CRYBG1: variants seen among roughly 807,000 people sequenced by gnomAD.
The protein encoded by CRYBG1 is beta/gamma crystallin domain-containing protein 1.
In CRYBG1, 139 loss-of-function variants were observed where a neutral mutation model predicts 189.2. The ratio of observed to expected loss-of-function variants is 0.73; its 90% CI spans 0.64 to 0.85. CRYBG1 has a LOEUF of 0.85. CRYBG1 is among the 40% of genes least tolerant of loss of function. CRYBG1 has a pLI of 0.00. For synonymous variants in CRYBG1, 1,023 were observed against 1,017.1 expected (o/e 1.01, Z -0.11); for missense variants, 2,611 against 2,675.8 (o/e 0.98, Z 0.53).
chr6:106,460,287 A>G (rs987256072), intron 2 of CRYBG1, among the ~76,000 whole-genome samples: 7 of 152,042 alleles, frequency 4.6e-5, no homozygotes, highest in African/African-American at 1.2e-4. Context: ...CACCGCGCCC[A>G]GCCAGTCTGA....
At chr6:106,488,036 A>T (rs1024435657) in intron 2 of CRYBG1, among the ~76,000 whole-genome samples, 2 of 151,962 alleles carry the variant, frequency 1.3e-5, no homozygotes, top group African/African-American at 2.4e-5. Context: ...GGGTGAGTAG[A>T]CTCAGTAGTG....
rs1347885031 is a variant in CRYBG1, at chr6:106,483,378, G to GTGTGTGTGTATA, written c.313-28051_313-28050insGTGTGTGTATAT. On this transcript the variant is annotated intron_variant, in intron 2 of 21. Coordinates refer to ENST00000633556, the MANE Select transcript of CRYBG1 (RefSeq NM_001371242.2). ...CCATTGTGTGTGTGTGTGTGTGTGT[G>GTGTGTGTGTATA]TATATATATATAGATATATATATAA... is the stretch of plus-strand genomic sequence containing the variant. Among the ~76,000 whole-genome samples the GTGTGTGTGTATA allele has an allele frequency of 6.7e-3, 758 of 113,568 alleles. 10 individuals are homozygous for GTGTGTGTGTATA. Among genetic ancestry groups the GTGTGTGTGTATA allele is most frequent in the African/African-American group, 0.02 (739 of 36,992 alleles). The allele number at this position is 113,568 out of a possible 152,430, so 74.5% of individuals were successfully genotyped here. A position where few individuals can be genotyped will look rare whatever the true frequency, so the allele number is the denominator to read the frequency against.
At chr6:106,412,935 A>G (rs1433256890) in intron 1 of CRYBG1, among the ~76,000 whole-genome samples, 2 of 145,806 alleles carry the variant, frequency 1.4e-5, no homozygotes, top group Non-Finnish European at 3.0e-5. Context: ...AATCCAAGAC[A>G]AATTCTTTAA....
intron 18 of CRYBG1, among the ~76,000 whole-genome samples, chr6:106,559,798 A>T (rs1036798627): frequency 5.5e-5 from 8 of 144,618 alleles, no homozygotes; most frequent in South Asian, 2.1e-4. Flanking sequence ...AAAAGAAAAT[A>T]AAAAAAATCA....
In CRYBG1 at chr6:106,414,626, A is replaced by G. The variant is rs140260829; in HGVS notation, c.174-37068A>G. Among the ~76,000 whole-genome samples the G allele has an allele frequency of 5.0e-3, 760 of 152,336 alleles. 8 individuals carry two copies. The highest frequency in any genetic ancestry group is 0.018 in the African/African-American group (728 of 41,578). ...TTGGTGTATATTTTTGGCTTTACCA[A>G]TGATGCAAACTTTAGTATTCAAAAC... On this transcript the variant is annotated intron_variant, in intron 1 of 21. Coordinates refer to ENST00000633556, the MANE Select transcript of CRYBG1 (RefSeq NM_001371242.2).
In CRYBG1 at chr6:106,517,327, T is replaced by TATATAC. The variant is rs1179339267; in HGVS notation, c.1923-1803_1923-1802insTATACA. 7.2e-4 allele frequency among the ~76,000 whole-genome samples: 84 copies of TATATAC among 117,074 alleles called. 1 individual carries two copies. The highest frequency in any genetic ancestry group is 1.8e-3 in the African/African-American group (55 of 30,818). 76.8% of individuals were successfully genotyped at this position (117,074 alleles called of 152,430 possible). On this transcript the variant is annotated intron_variant, in intron 3 of 21. Transcript: ENST00000633556. ...ATACACACACACACACATATATATA[T>TATATAC]ACACATATATATATACACACACATA...
chr6:106,401,658 T>C (rs1324008882), intron 1 of CRYBG1, among the ~76,000 whole-genome samples: 2 of 117,054 alleles, frequency 1.7e-5, no homozygotes, highest in East Asian at 4.9e-4. Context: ...TATGCGGTGT[T>C]TGGTTTTTTG....
chr6:106,458,165 A>C (rs1440622405), intron 2 of CRYBG1, among the ~76,000 whole-genome samples: 1 of 152,250 alleles, frequency 6.6e-6, no homozygotes, highest in Non-Finnish European at 1.5e-5. Flanking sequence ...AGTTAAATTG[A>C]AATGGTTTAG....
chr6:106,445,737 G>A (rs999027986), intron 1 of CRYBG1, among the ~76,000 whole-genome samples: 1 of 152,150 alleles, frequency 6.6e-6, no homozygotes, highest in Non-Finnish European at 1.5e-5. Context: ...ATAGCTAATG[G>A]CCAGGCTGGT....
intron 2 of CRYBG1, among the ~76,000 whole-genome samples, chr6:106,470,977 G>C (rs1772222584): frequency 6.6e-6 from 1 of 152,176 alleles, no homozygotes; most frequent in Non-Finnish European, 1.5e-5. Context: ...TTGCACTGTG[G>C]AGTCAATACA....
intron 1 of CRYBG1, among the ~76,000 whole-genome samples, chr6:106,406,584 A>G (rs1582745271): frequency 6.6e-6 from 1 of 152,320 alleles, no homozygotes; most frequent in South Asian, 2.1e-4. Flanking sequence ...ACACATAATC[A>G]TCAGATTCAC....
chr6:106,410,335 C>T (rs1022970546), intron 1 of CRYBG1, among the ~76,000 whole-genome samples: 5 of 152,120 alleles, frequency 3.3e-5, no homozygotes, highest in Admixed American at 3.3e-4. Context: ...TACCATCTCA[C>T]GCCAGTTAGA....
At chr6:106,464,357 T>G (rs1238840295) in intron 2 of CRYBG1, among the ~76,000 whole-genome samples, 1 of 151,928 alleles carries the variant, frequency 6.6e-6, no homozygotes, top group Non-Finnish European at 1.5e-5. Context: ...GCCGGGCATG[T>G]TGGTGCGCGC....
intron 1 of CRYBG1, among the ~76,000 whole-genome samples, chr6:106,445,475 T>C (rs1250541433): frequency 1.3e-5 from 2 of 152,216 alleles, no homozygotes; most frequent in Admixed American, 1.3e-4. Flanking sequence ...TCTCCTTTCA[T>C]ATCTGAGCCT....
chr6:106,461,035 T>A (rs928866710), intron 2 of CRYBG1, among the ~76,000 whole-genome samples: 3 of 152,214 alleles, frequency 2.0e-5, no homozygotes, highest in Non-Finnish European at 2.9e-5. Context: ...TATGCCTGCC[T>A]CAGCCTCCCA....
chr6:106,440,194 C>T (rs901545148), intron 1 of CRYBG1, among the ~76,000 whole-genome samples: 1 of 151,984 alleles, frequency 6.6e-6, no homozygotes, highest in Non-Finnish European at 1.5e-5. Flanking sequence ...ATAGAATTTT[C>T]CTTCCTTTAA....
intron 3 of CRYBG1, among the ~76,000 whole-genome samples, chr6:106,516,714 C>A (rs1049058351): frequency 6.6e-6 from 1 of 152,122 alleles, no homozygotes; most frequent in Non-Finnish European, 1.5e-5. Flanking sequence ...CTCATTCAGG[C>A]GGGTATAGTC....
At chr6:106,562,324 A>C (rs563656363) in intron 20 of CRYBG1, among the ~76,000 whole-genome samples, 3 of 152,326 alleles carry the variant, frequency 2.0e-5, no homozygotes, top group East Asian at 3.9e-4. Context: ...AATCATGAAA[A>C]GAAGCTTTCT....
At chr6:106,436,728 T>C (rs1226888928) in intron 1 of CRYBG1, among the ~76,000 whole-genome samples, 1 of 152,216 alleles carries the variant, frequency 6.6e-6, no homozygotes, top group Admixed American at 6.5e-5. Context: ...TTTGCAAATT[T>C]TGTTATCATA....
Sources: gnomAD v4.1 joint callset for allele counts (sites outside exome capture counted in the v4.1 genomes callset) on GRCh38, gnomAD v4.1.1 for gene constraint, MANE v1.5 for transcripts, NCBI Gene and HGNC (gene_info 2026-07-23, HGNC 2026-07-21) for gene names.